Variants in CADM2 observed in about 807,000 individuals in gnomAD.
The protein encoded by CADM2 is immunoglobulin superfamily member 4D.
A neutral mutation model predicts 49.8 loss-of-function variants in CADM2; 12 were observed. That is an observed-to-expected ratio of 0.24 (90% CI 0.15 to 0.39). The LOEUF (loss-of-function observed/expected upper bound fraction) is 0.39. CADM2 is among the 10% of genes least tolerant of loss of function. The pLI is 1.00. For missense variants in CADM2, 378 were observed against 492.3 expected (o/e 0.77, Z 2.20); for synonymous variants, 214 against 175.4 (o/e 1.22, Z -1.74).
chr3:84,967,189 A>G (rs1296926177), intron 1 of CADM2, among the ~76,000 whole-genome samples: 1 of 152,126 alleles, frequency 6.6e-6, no homozygotes, highest in Non-Finnish European at 1.5e-5. Flanking sequence ...TATAATTTAT[A>G]AAGCCAATTA....
At chr3:85,958,450 T>A (rs980677600) in intron 7 of CADM2, among the ~76,000 whole-genome samples, 3 of 151,910 alleles carry the variant, frequency 2.0e-5, no homozygotes, top group Admixed American at 2.0e-4. Context: ...TTACTGGATA[T>A]ATACATAAAG....
At chr3:85,520,674 C>A (rs2061009436) in intron 1 of CADM2, among the ~76,000 whole-genome samples, 1 of 151,786 alleles carries the variant, frequency 6.6e-6, no homozygotes, top group Non-Finnish European at 1.5e-5. Context: ...TAGCTTATAT[C>A]AGAGAGGAAA....
intron 1 of CADM2, among the ~76,000 whole-genome samples, chr3:85,551,977 C>T (rs192190438): frequency 6.7e-6 from 1 of 149,310 alleles, no homozygotes; most frequent in Admixed American, 6.8e-5. Flanking sequence ...TGATTATATA[C>T]ACTTTTTTAC....
chr3:85,114,344 G>T (rs1208124656), intron 1 of CADM2, among the ~76,000 whole-genome samples: 1 of 152,144 alleles, frequency 6.6e-6, no homozygotes, highest in Non-Finnish European at 1.5e-5. Flanking sequence ...CATCCTCAGA[G>T]TAGGTGTGGG....
chr3:85,054,239 T>C (rs1447071334), intron 1 of CADM2, among the ~76,000 whole-genome samples: 1 of 151,710 alleles, frequency 6.6e-6, no homozygotes, highest in Non-Finnish European at 1.5e-5. Context: ...TGAGAGGAGA[T>C]GGTATTTAAA....
intron 2 of CADM2, among the ~76,000 whole-genome samples, chr3:85,792,933 T>C (rs997297059): frequency 1.3e-5 from 2 of 152,188 alleles, no homozygotes; most frequent in African/African-American, 4.8e-5. Context: ...TTCTTCTTTA[T>C]GTCCTATGTG....
intron 1 of CADM2, among the ~76,000 whole-genome samples, chr3:85,635,847 C>T (rs561760965): frequency 5.9e-5 from 9 of 152,116 alleles, no homozygotes; most frequent in Admixed American, 2.6e-4. Flanking sequence ...CTGTGTATAC[C>T]GGTCATGTCC....
chr3:85,891,710 T>C (rs919889603), intron 5 of CADM2, among the ~76,000 whole-genome samples: 1 of 152,184 alleles, frequency 6.6e-6, no homozygotes, highest in Non-Finnish European at 1.5e-5. Context: ...GTGGGTGACC[T>C]CTAGGAGCTG....
chr3:85,099,281 G>A (rs1271908784), intron 1 of CADM2, among the ~76,000 whole-genome samples: 1 of 152,054 alleles, frequency 6.6e-6, no homozygotes, highest in African/African-American at 2.4e-5. Context: ...TAAAGAAAAG[G>A]TATTTTCTCA....
At chr3:85,731,921 T>TAAAA in intron 2 of CADM2, among the ~76,000 whole-genome samples, 1 of 151,896 alleles carries the variant, frequency 6.6e-6, no homozygotes, top group South Asian at 2.1e-4. Context: ...AAATATCACT[T>TAAAA]AACTACTTTT....
At chr3:85,370,080 G>A (rs1227714060) in intron 1 of CADM2, among the ~76,000 whole-genome samples, 2 of 151,732 alleles carry the variant, frequency 1.3e-5, no homozygotes, top group Non-Finnish European at 2.9e-5. Flanking sequence ...GAGAATAGTG[G>A]CAAGTGCCTG....
At chr3:85,168,013 C>A (rs1038453501) in intron 1 of CADM2, among the ~76,000 whole-genome samples, 1 of 152,012 alleles carries the variant, frequency 6.6e-6, no homozygotes, top group Non-Finnish European at 1.5e-5. Flanking sequence ...TCAAGTGGTA[C>A]CTATTATTAC....
chr3:85,815,812 G>T lies in CADM2; in HGVS notation c.238+13616G>T, dbSNP rs9819517. On this transcript the variant is annotated intron_variant, in intron 3 of 9. Coordinates refer to ENST00000383699, the MANE Select transcript of CADM2 (RefSeq NM_001167675.2). ...GAAAAGAGGGAGTCAAATTGTCTCTGTTTGCAGATGACATGATTGTATATT... is the reference window on the plus strand; with the variant it reads ...GAAAAGAGGGAGTCAAATTGTCTCTTTTTGCAGATGACATGATTGTATATT... Among the ~76,000 whole-genome samples, 404 of 152,196 alleles carry T rather than the reference G, an allele frequency of 2.7e-3. 1 individual carries two copies. The highest frequency in any genetic ancestry group is 9.4e-3 in the African/African-American group (390 of 41,550).
At chr3:85,492,339 CCAAA>C (rs1282950151) in intron 1 of CADM2, among the ~76,000 whole-genome samples, 1 of 152,098 alleles carries the variant, frequency 6.6e-6, no homozygotes, top group Non-Finnish European at 1.5e-5. Flanking sequence ...TGCCTGTAAT[CCAAA>C]CACTTTGGGA....
intron 1 of CADM2, among the ~76,000 whole-genome samples, chr3:85,340,175 A>T (rs181809259): frequency 1.3e-5 from 2 of 151,664 alleles, no homozygotes; most frequent in African/African-American, 2.4e-5. Flanking sequence ...TTGCATACTT[A>T]AAAAAGCATT....
At chr3:85,900,300 C>CA (rs1715936125) in intron 5 of CADM2, among the ~76,000 whole-genome samples, 1 of 152,102 alleles carries the variant, frequency 6.6e-6, no homozygotes, top group Admixed American at 6.6e-5. Flanking sequence ...TAGTGTGTCT[C>CA]AACCTTTTTG....
intron 1 of CADM2, among the ~76,000 whole-genome samples, chr3:85,695,529 A>C (rs936741641): frequency 1.3e-5 from 2 of 151,878 alleles, no homozygotes; most frequent in African/African-American, 2.4e-5. Context: ...ATATTATTTT[A>C]TTCATTTTAA....
At chr3:85,962,214 C>A (rs1019127376) in intron 8 of CADM2, among the ~76,000 whole-genome samples, 1 of 151,914 alleles carries the variant, frequency 6.6e-6, no homozygotes, top group African/African-American at 2.4e-5. Context: ...CCATCACACC[C>A]GGCTGATTGT....
intron 1 of CADM2, among the ~76,000 whole-genome samples, chr3:85,685,615 CTTT>C (rs59277971): frequency 1.6e-5 from 2 of 122,016 alleles, no homozygotes; most frequent in Non-Finnish European, 3.5e-5. Context: ...TTCTTTCTTT[CTTT>C]TTTTTTTTTT....
Sources: allele counts gnomAD v4.1 joint callset (sites outside exome capture counted in the v4.1 genomes callset), GRCh38; gene constraint gnomAD v4.1.1; transcripts MANE v1.5; gene names NCBI Gene and HGNC (gene_info 2026-07-23, HGNC 2026-07-21).